The following TMEM178A variants were observed in gnomAD, a reference collection of about 807,000 sequenced individuals.
TMEM178A encodes the protein transmembrane protein 178A.
A neutral mutation model predicts 29.1 loss-of-function variants in TMEM178A; 12 were observed. That is an observed-to-expected ratio of 0.41 (90% CI 0.26 to 0.67). The LOEUF (loss-of-function observed/expected upper bound fraction) is 0.67. Among genes scored for constraint, TMEM178A ranks in the 30% least tolerant of loss-of-function variants. TMEM178A has a pLI of 0.29. For synonymous variants in TMEM178A, 210 were observed against 187.2 expected (o/e 1.12, Z -0.99); for missense variants, 366 against 419.1 (o/e 0.87, Z 1.11).
intron 2 of TMEM178A, among the ~76,000 whole-genome samples, chr2:39,706,832 C>T (rs955349671): frequency 6.6e-6 from 1 of 152,228 alleles, no homozygotes; most frequent in Non-Finnish European, 1.5e-5. Flanking sequence ...TCCACGGACT[C>T]AGAGACGGTA....
At position 39,715,675 on chromosome 2, in the gene TMEM178A, C is replaced by T. The variant is rs75373630; in HGVS notation, c.653-1335C>T. Among the ~76,000 whole-genome samples the T allele has an allele frequency of 2.9e-3, 449 of 152,270 alleles. 1 individual carries two copies. Among genetic ancestry groups the T allele is most frequent in the African/African-American group, 0.01 (433 of 41,564 alleles). ...AGGAAATATCAAATTATCTCAGATC[C>T]AGTGTCCTTTTAATTTAGAACATTT... On this transcript the variant is annotated intron_variant, in intron 3 of 3. Transcript: ENST00000281961.
In TMEM178A at chr2:39,666,229, C is replaced by A. The variant is rs773111806; in HGVS notation, c.255C>A (p.Ala85=). The change falls in exon 1 of 4, where the codon GCC becomes GCA. Residue 85 remains alanine, a synonymous_variant. Coordinates refer to ENST00000281961, the MANE Select transcript of TMEM178A (RefSeq NM_152390.3). ...TGCTCCCGGGCGGCCCGGGGCGCGCCGACCCCGAGTCCTGGCGCTCGCTCC... is the reference window on the plus strand; with the variant it reads ...TGCTCCCGGGCGGCCCGGGGCGCGCAGACCCCGAGTCCTGGCGCTCGCTCC... ...RRLLPGGPGR[A]DPESWRSLLG... is the part of the protein sequence containing the mutation. 1.3e-4 allele frequency: 179 copies of A among 1,346,230 alleles called. No homozygotes were observed. The highest frequency in any genetic ancestry group is 1.6e-4 in the Non-Finnish European group (168 of 1,057,420). 83.4% of individuals were successfully genotyped at this position (1,346,230 alleles called of 1,614,324 possible).
intron 1 of TMEM178A, among the ~76,000 whole-genome samples, chr2:39,683,290 T>C (rs1670946391): frequency 6.6e-6 from 1 of 152,094 alleles, no homozygotes. Flanking sequence ...ACCTCACCCA[T>C]CCAGCAAAGC....
intron 3 of TMEM178A, among the ~76,000 whole-genome samples, chr2:39,712,678 T>A (rs969660435): frequency 8.6e-5 from 13 of 151,964 alleles, no homozygotes; most frequent in Non-Finnish European, 1.6e-4. Flanking sequence ...TCTCTCTCTC[T>A]CTCTCTGGGG....
the TMEM178A span, among the ~76,000 whole-genome samples, chr2:39,732,290 G>A: frequency 6.6e-6 from 1 of 152,102 alleles, no homozygotes; most frequent in African/African-American, 2.4e-5. Flanking sequence ...TTTTCTCCTT[G>A]GTGAACTGCT....
intron 3 of TMEM178A, among the ~76,000 whole-genome samples, chr2:39,712,854 T>A (rs1400815853): frequency 6.6e-6 from 1 of 152,184 alleles, no homozygotes; most frequent in Non-Finnish European, 1.5e-5. Flanking sequence ...TATTAATCCT[T>A]CCATACTCCT....
Position 39,717,529 on chromosome 2 carries a change from GA to G in TMEM178A, c.*283del, listed in dbSNP as rs1171042146. On this transcript the variant is annotated 3_prime_UTR_variant, in exon 4 of 4. Transcript: ENST00000281961. ...TGTAGAGAAAGAAGAAACTGCAATGGAAAAATTTGTATGATTTCCATTTATT... is the reference window on the plus strand; with the variant it reads ...TGTAGAGAAAGAAGAAACTGCAATGGAAAATTTGTATGATTTCCATTTATT... 1 of 305,314 alleles carries G rather than the reference GA, an allele frequency of 3.3e-6. No homozygotes were observed. Among genetic ancestry groups the G allele is most frequent in the Non-Finnish European group, 6.0e-6 (1 of 167,694 alleles). 18.9% of individuals were successfully genotyped at this position (305,314 alleles called of 1,614,324 possible). A position where few individuals can be genotyped will look rare whatever the true frequency, so the allele number is the denominator to read the frequency against.
the TMEM178A span, among the ~76,000 whole-genome samples, chr2:39,724,011 C>A: frequency 6.6e-6 from 1 of 152,226 alleles, no homozygotes; most frequent in Non-Finnish European, 1.5e-5. Context: ...CTTTGTAATT[C>A]TGTAAAGAAT....
chr2:39,704,234 C>A, intron 2 of TMEM178A, 40 bp downstream of exon 2: 1 of 1,560,808 alleles, frequency 6.4e-7, no homozygotes, highest in Non-Finnish European at 8.8e-7. Context: ...GAAATGGTGT[C>A]ATTCTGAACA....
At chr2:39,696,638 T>C (rs1408577349) in intron 1 of TMEM178A, among the ~76,000 whole-genome samples, 2 of 152,214 alleles carry the variant, frequency 1.3e-5, no homozygotes, top group Non-Finnish European at 2.9e-5. Flanking sequence ...AACCATCATG[T>C]ATACTGCCCG....
In TMEM178A at chr2:39,717,106, T is replaced by C; in HGVS notation, c.749T>C (p.Val250Ala). 1 of 1,612,620 alleles carries C rather than the reference T, an allele frequency of 6.2e-7. No individual in the cohort carries two copies. Among genetic ancestry groups the C allele is most frequent in the South Asian group, 1.1e-5 (1 of 90,928 alleles). ...CTAATTTATAGCCTGCCTGCTGATG[T>C]GGAACATGGTTACAGCTGGTCCATC... is the stretch of plus-strand genomic sequence containing the variant. ...PKLIYSLPADVEHGYSWSIFC... is the reference protein window; with the variant it reads ...PKLIYSLPADAEHGYSWSIFC... The change falls in exon 4 of 4, where the codon GTG (valine) becomes GCG (alanine). Residue 250 changes from valine to alanine, a missense_variant. Val to Ala is a moderately conservative substitution (Grantham distance 64). Around this residue, in one of 2 missense-constraint regions of TMEM178A, gnomAD observed 119 missense variants for 172.2 expected, o/e 0.69. Coordinates refer to ENST00000281961, the MANE Select transcript of TMEM178A (RefSeq NM_152390.3).
At chr2:39,679,604 C>T (rs1303321304) in intron 1 of TMEM178A, among the ~76,000 whole-genome samples, 1 of 152,082 alleles carries the variant, frequency 6.6e-6, no homozygotes, top group Non-Finnish European at 1.5e-5. Context: ...CATAGGAAGT[C>T]ACTACCTTCA....
At chr2:39,708,549 G>T (rs61545477) in intron 3 of TMEM178A, among the ~76,000 whole-genome samples, 1 of 149,244 alleles carries the variant, frequency 6.7e-6, no homozygotes, top group Non-Finnish European at 1.5e-5. Context: ...CTCCCGTGTA[G>T]CTGGGACTAC....
chr2:39,697,183 A>T (rs1572676904), intron 1 of TMEM178A, among the ~76,000 whole-genome samples: 1 of 152,316 alleles, frequency 6.6e-6, no homozygotes, highest in Non-Finnish European at 1.5e-5. Flanking sequence ...TCTTTTTATC[A>T]GAAAGACCTA....
At chr2:39,679,450 A>C (rs1670777182) in intron 1 of TMEM178A, among the ~76,000 whole-genome samples, 1 of 152,040 alleles carries the variant, frequency 6.6e-6, no homozygotes, top group Non-Finnish European at 1.5e-5. Context: ...TTTATTATAC[A>C]CTTTTTTTTG....
At chr2:39,705,830 T>G (rs998742015) in intron 2 of TMEM178A, among the ~76,000 whole-genome samples, 4 of 152,222 alleles carry the variant, frequency 2.6e-5, no homozygotes, top group African/African-American at 9.6e-5. Flanking sequence ...ATCTGCACCT[T>G]GTCTTGGCCC....
chr2:39,721,911 A>G (rs1443433993), downstream of TMEM178A, among the ~76,000 whole-genome samples: 1 of 136,048 alleles, frequency 7.4e-6, no homozygotes, highest in Non-Finnish European at 1.5e-5. Flanking sequence ...GGATTGCTTG[A>G]GTCTAGAAGC....
At chr2:39,697,667 C>G (rs952667163) in intron 1 of TMEM178A, 1 of 152,320 alleles carries the variant, frequency 6.6e-6, no homozygotes, top group Non-Finnish European at 1.5e-5. Context: ...TAAATTTAGC[C>G]TGAGAGCCCC....
intron 1 of TMEM178A, among the ~76,000 whole-genome samples, chr2:39,678,292 C>A (rs769247848): frequency 6.6e-6 from 1 of 152,110 alleles, no homozygotes; most frequent in Non-Finnish European, 1.5e-5. Context: ...ATGTTCACAA[C>A]AGCACTATTT....
Sources: gnomAD v4.1 joint callset for allele counts (sites outside exome capture counted in the v4.1 genomes callset) on GRCh38, gnomAD v4.1.1 for gene constraint, gnomAD v4.1.1 regional missense constraint, MANE v1.5 for transcripts, NCBI Gene and HGNC (gene_info 2026-07-23, HGNC 2026-07-21) for gene names.